ACER3: variants seen among roughly 807,000 people sequenced by gnomAD.
ACER3 encodes alkaline ceramidase 3, also known as alkCDase 3.
A neutral mutation model predicts 48.9 loss-of-function variants in ACER3; 16 were observed. The ratio of observed to expected loss-of-function variants is 0.33; its 90% confidence interval spans 0.22 to 0.50. ACER3 has a LOEUF of 0.50. Among genes scored for constraint, ACER3 ranks in the 20% least tolerant of loss-of-function variants. The probability of loss-of-function intolerance (pLI) is 0.98; values close to 1 mark genes in which losing one functional copy is unlikely to be tolerated. For synonymous variants in ACER3, 109 were observed against 107.8 expected, an observed-to-expected ratio of 1.01 and a Z score of -0.07; for missense variants, 227 against 326.0, an observed-to-expected ratio of 0.70 and a Z score of 2.34.
At chr11:76,885,782 A>G (rs910366949) in intron 1 of ACER3, among the ~76,000 whole-genome samples, 1 of 152,044 alleles carries the variant, frequency 6.6e-6, no homozygotes, top group Non-Finnish European at 1.5e-5. Context: ...TGGGCTCCGG[A>G]TTGTTTGGTT....
intron 7 of ACER3, among the ~76,000 whole-genome samples, chr11:77,002,292 A>G (rs1027849152): frequency 2.6e-5 from 4 of 152,154 alleles, no homozygotes; most frequent in African/African-American, 9.7e-5. Flanking sequence ...AATACACTCT[A>G]TTACTAATTT....
rs563551195 is a variant in ACER3, at chr11:76,872,915, T to C, written c.103+11836T>C. Among the ~76,000 whole-genome samples, 973 of 137,596 alleles carry C rather than the reference T, an allele frequency of 7.1e-3. 22 individuals carry two copies. Among genetic ancestry groups the C allele is most frequent in the African/African-American group, 0.025 (915 of 35,980 alleles). 90.3% of individuals were successfully genotyped at this position (137,596 alleles called of 152,430 possible). A position where few individuals can be genotyped will look rare whatever the true frequency, so the allele number is the denominator to read the frequency against. ...CTTTCTTTCTTTTTTCTTTTTCTTTTTTTTTTTTTTTTTTGAGACAGGGTC... is the reference window on the plus strand; with the variant it reads ...CTTTCTTTCTTTTTTCTTTTTCTTTCTTTTTTTTTTTTTTGAGACAGGGTC... On this transcript the variant is annotated intron_variant, in intron 1 of 10. Coordinates refer to ENST00000532485, the MANE Select transcript of ACER3 (RefSeq NM_018367.7).
At chr11:76,887,615 T>A (rs1386723876) in intron 1 of ACER3, among the ~76,000 whole-genome samples, 1 of 152,130 alleles carries the variant, frequency 6.6e-6, no homozygotes, top group Admixed American at 6.5e-5. Flanking sequence ...GAAGGTCAAA[T>A]GAGGAAATTA....
intron 2 of ACER3, among the ~76,000 whole-genome samples, chr11:76,932,105 T>C (rs1217658403): frequency 6.6e-5 from 10 of 152,042 alleles, no homozygotes; most frequent in Non-Finnish European, 1.5e-4. Context: ...TATGCCACCA[T>C]GCCTGGCTAA....
chr11:76,952,402 G>A (rs1421811830), intron 2 of ACER3, among the ~76,000 whole-genome samples: 1 of 151,110 alleles, frequency 6.6e-6, no homozygotes, highest in Admixed American at 6.6e-5. Context: ...TGGGACCACA[G>A]GCGCCCGCCA....
At chr11:76,864,497 CAT>C (rs1367112081) in intron 1 of ACER3, among the ~76,000 whole-genome samples, 1 of 150,436 alleles carries the variant, frequency 6.6e-6, no homozygotes, top group East Asian at 2.0e-4. Flanking sequence ...ACATTAAAAA[CAT>C]TGAGAAATAA....
chr11:76,957,101 G>A (rs892647181), intron 2 of ACER3, among the ~76,000 whole-genome samples: 2 of 152,052 alleles, frequency 1.3e-5, no homozygotes, highest in Non-Finnish European at 2.9e-5. Context: ...CTGTGCTTCT[G>A]TGGTACTCAA....
chr11:76,925,051 G>A (rs1946790592), intron 1 of ACER3, among the ~76,000 whole-genome samples: 1 of 143,684 alleles, frequency 7.0e-6, no homozygotes, highest in African/African-American at 2.5e-5. Flanking sequence ...CCTTTTACAA[G>A]AAGGGCTCCT....
chr11:76,861,919 C>T (rs1944950445), intron 1 of ACER3, among the ~76,000 whole-genome samples: 1 of 152,192 alleles, frequency 6.6e-6, no homozygotes, highest in Non-Finnish European at 1.5e-5. Context: ...CACTGCTGGT[C>T]AGGTTGGGCT....
chr11:76,911,703 C>T (rs997748236), intron 1 of ACER3, among the ~76,000 whole-genome samples: 6 of 152,180 alleles, frequency 3.9e-5, no homozygotes, highest in Non-Finnish European at 5.9e-5. Context: ...ACAGCTTTCT[C>T]TCATTCCTTA....
At chr11:76,925,745 A>G (rs1486921338) in intron 1 of ACER3, among the ~76,000 whole-genome samples, 2 of 152,138 alleles carry the variant, frequency 1.3e-5, no homozygotes, top group African/African-American at 4.8e-5. Context: ...TGTTGTAAGT[A>G]TATTTTTTTA....
intron 2 of ACER3, among the ~76,000 whole-genome samples, chr11:76,947,982 T>A (rs117173897): frequency 0.026 from 3,941 of 152,200 alleles, 63 homozygotes; most frequent in Non-Finnish European, 0.038. Flanking sequence ...GTACGTAGCT[T>A]GGTAGAATTG....
At chr11:76,932,472 A>T (rs2134854375) in intron 2 of ACER3, among the ~76,000 whole-genome samples, 1 of 152,330 alleles carries the variant, frequency 6.6e-6, no homozygotes, top group Admixed American at 6.5e-5. Context: ...CTTCAAAAGG[A>T]AGACTTGTCT....
At chr11:76,920,798 G>A (rs1032298460) in intron 1 of ACER3, among the ~76,000 whole-genome samples, 2 of 151,952 alleles carry the variant, frequency 1.3e-5, no homozygotes, top group African/African-American at 4.8e-5. Flanking sequence ...CACTATGCCT[G>A]GCTAATTTTA....
chr11:76,998,866 A>G (rs375735802), intron 7 of ACER3, 45 bp downstream of exon 7: 1 of 1,428,784 alleles, frequency 7.0e-7, no homozygotes. Flanking sequence ...GTATATTCAG[A>G]CCTATAACAG....
At chr11:76,979,481 G>A (rs930964052) in intron 4 of ACER3, among the ~76,000 whole-genome samples, 2 of 152,092 alleles carry the variant, frequency 1.3e-5, no homozygotes, top group Non-Finnish European at 2.9e-5. Flanking sequence ...GTGAAAACCT[G>A]TCTCTGCTAA....
intron 1 of ACER3, among the ~76,000 whole-genome samples, chr11:76,901,273 A>G (rs1053539152): frequency 4.6e-5 from 7 of 151,490 alleles, no homozygotes; most frequent in African/African-American, 1.7e-4. Flanking sequence ...CAACATTTAA[A>G]AAAAAAAAAA....
At chr11:76,881,277 AT>A (rs1945519443) in intron 1 of ACER3, among the ~76,000 whole-genome samples, 1 of 150,318 alleles carries the variant, frequency 6.7e-6, no homozygotes, top group Non-Finnish European at 1.5e-5. Flanking sequence ...AAAAAGTAGA[AT>A]TCCCAAGCAG....
Position 76,946,776 on chromosome 11 carries a change from A to G in ACER3, c.215-12203A>G, listed in dbSNP as rs1399314862. ...AGGCTGTCACAATGGCATTTAGCCA[A>G]CGCTGGTCTAGGCTTGGATGCCTGT... On this transcript the variant is annotated intron_variant, in intron 2 of 10. Coordinates refer to ENST00000532485, the MANE Select transcript of ACER3 (RefSeq NM_018367.7). Among the ~76,000 whole-genome samples, 6 of 152,182 alleles carry G rather than the reference A, an allele frequency of 3.9e-5. No homozygotes were observed. The East Asian group carries it at 7.7e-4, about 20-fold the overall frequency.
Sources: allele counts gnomAD v4.1 joint callset (sites outside exome capture counted in the v4.1 genomes callset), GRCh38; gene constraint gnomAD v4.1.1; transcripts MANE v1.5; gene names NCBI Gene and HGNC (gene_info 2026-07-23, HGNC 2026-07-21).